KIAA0930: variants seen among roughly 807,000 people sequenced by gnomAD.
The protein encoded by KIAA0930 is KIAA0930, also known as uncharacterized protein KIAA0930.
In KIAA0930, 24 loss-of-function variants were observed where a neutral mutation model predicts 43.9. That is an observed-to-expected ratio of 0.55 (90% confidence interval 0.40 to 0.77). KIAA0930 has a LOEUF of 0.77. Among genes scored for constraint, KIAA0930 ranks in the 30% least tolerant of loss-of-function variants. The pLI is 0.00. For missense variants in KIAA0930, 461 were observed against 574.2 expected (o/e 0.80, Z 2.02); for synonymous variants, 259 against 216.4 (o/e 1.20, Z -1.73).
intron 1 of KIAA0930, among the ~76,000 whole-genome samples, chr22:45,223,271 G>T (rs2083778231): frequency 6.6e-6 from 1 of 152,066 alleles, no homozygotes; most frequent in Non-Finnish European, 1.5e-5. Flanking sequence ...TAGAATAAAT[G>T]AAGCAAAAAA....
chr22:45,208,613 G>C (rs959991986), intron 2 of KIAA0930, among the ~76,000 whole-genome samples: 2 of 152,212 alleles, frequency 1.3e-5, no homozygotes, highest in Admixed American at 6.5e-5. Context: ...GTTGAGCCCT[G>C]GGGTGGGGTG....
At chr22:45,220,323 C>T (rs923659630) in intron 1 of KIAA0930, among the ~76,000 whole-genome samples, 1 of 151,832 alleles carries the variant, frequency 6.6e-6, no homozygotes, top group East Asian at 1.9e-4. Context: ...GGTGCGGTGG[C>T]AGGTGCCTAT....
rs1334972941 is a variant in KIAA0930, at chr22:45,213,522, GC to G, written c.65-1416del. On this transcript the variant is annotated intron_variant, in intron 1 of 9. Transcript: ENST00000336156. ...AAACACGCGTGCTGTCTGCAGAGTC[GC>G]TTTGAAATTCCTGCCGCGTTTTTGC... The G allele has an allele frequency of 5.2e-5, 61 of 1,164,382 alleles. No individual in the cohort carries two copies. In the African/African-American group the frequency reaches 7.8e-4, roughly 15 times the overall value. 72.1% of individuals were successfully genotyped at this position (1,164,382 alleles called of 1,614,324 possible). A position where few individuals can be genotyped will look rare whatever the true frequency, so the allele number is the denominator to read the frequency against.
intron 7 of KIAA0930, among the ~76,000 whole-genome samples, chr22:45,201,895 T>C (rs562228295): frequency 6.6e-6 from 1 of 152,348 alleles, no homozygotes; most frequent in South Asian, 2.1e-4. Context: ...TCGTTTACAT[T>C]CCCACGCCTC....
In KIAA0930 at chr22:45,193,016, C is replaced by T. The variant is rs1458845639; in HGVS notation, c.*4160G>A. 6.6e-6 allele frequency: 1 copy of T among 152,218 alleles called. No homozygotes were observed. The highest frequency in any genetic ancestry group is 1.5e-5 in the Non-Finnish European group (1 of 68,052). 9.4% of individuals were successfully genotyped at this position (152,218 alleles called of 1,614,324 possible). On this transcript the variant is annotated 3_prime_UTR_variant, in exon 10 of 10. Transcript: ENST00000336156. ...TGGCCACTGCTGAAGAGCTGCTCTC[C>T]CTCGAAGGGCAGTGGCTGCCCCCTC...
chr22:45,235,111 A>AG (rs1407381937), intron 1 of KIAA0930: 1 of 152,122 alleles, frequency 6.6e-6, no homozygotes, highest in African/African-American at 2.4e-5. Flanking sequence ...AAGCCTCCCC[A>AG]GCTCGATGAA....
At position 45,230,034 on chromosome 22, in the gene KIAA0930, C is replaced by T. The variant is rs543644289; in HGVS notation, c.64+10606G>A. On this transcript the variant is annotated intron_variant, in intron 1 of 9. Transcript: ENST00000336156. ...TCACTCGAACCCAGGGGGCGGAGGGCGCAGTGAGCCGAGATTATGCCACTG... is the reference window on the plus strand; with the variant it reads ...TCACTCGAACCCAGGGGGCGGAGGGTGCAGTGAGCCGAGATTATGCCACTG... 1.4e-4 allele frequency among the ~76,000 whole-genome samples: 21 copies of T among 152,278 alleles called. No homozygotes were observed. The South Asian group carries it at 2.3e-3, about 17-fold the overall frequency.
chr22:45,220,963 G>A (rs1392875528), intron 1 of KIAA0930, among the ~76,000 whole-genome samples: 2 of 144,046 alleles, frequency 1.4e-5, no homozygotes, highest in Non-Finnish European at 3.0e-5. Flanking sequence ...CACCATCACT[G>A]CCTGCTCACT....
intron 1 of KIAA0930, among the ~76,000 whole-genome samples, chr22:45,216,103 G>A (rs1472674910): frequency 1.3e-5 from 2 of 152,142 alleles, no homozygotes; most frequent in Non-Finnish European, 2.9e-5. Context: ...GAGGAAGGGA[G>A]GCAAACACAG....
In KIAA0930 at chr22:45,238,897, T is replaced by TCTCTCTCTCTCTCTCTCACC. The variant is rs1569087823; in HGVS notation, c.64+1742_64+1743insGGTGAGAGAGAGAGAGAGAG. 3.4e-3 allele frequency among the ~76,000 whole-genome samples: 517 copies of TCTCTCTCTCTCTCTCTCACC among 151,500 alleles called. 1 individual carries two copies. The highest frequency in any genetic ancestry group is 0.012 in the African/African-American group (485 of 40,920). The stretch of plus-strand genomic sequence containing the variant: ...CAGGCTCTCTCTCTCTCTCTCTCTC[T>TCTCTCTCTCTCTCTCTCACC]CTCTCACCCTCAGGCTCTTCATCGC... On this transcript the variant is annotated intron_variant, in intron 1 of 9. Coordinates refer to ENST00000336156, the MANE Select transcript of KIAA0930 (RefSeq NM_001009880.2).
chr22:45,227,223 G>C (rs1293086799), intron 1 of KIAA0930, among the ~76,000 whole-genome samples: 1 of 152,190 alleles, frequency 6.6e-6, no homozygotes, highest in Admixed American at 6.5e-5. Context: ...AGCACCTTCT[G>C]GGCCCTTCTG....
intron 1 of KIAA0930, chr22:45,212,320 C>T (rs750894105): frequency 3.7e-6 from 6 of 1,612,708 alleles, no homozygotes; most frequent in Non-Finnish European, 5.1e-6. Context: ...AGTTCCTCCA[C>T]TCAGCAGCAG....
intron 1 of KIAA0930, among the ~76,000 whole-genome samples, chr22:45,216,152 G>A (rs1358139001): frequency 2.6e-5 from 4 of 152,208 alleles, no homozygotes; most frequent in East Asian, 1.9e-4. Flanking sequence ...GGTCGGGACT[G>A]GAGGGATATC....
At chr22:45,220,475 A>G (rs528967636) in intron 1 of KIAA0930, among the ~76,000 whole-genome samples, 11 of 152,256 alleles carry the variant, frequency 7.2e-5, no homozygotes, top group African/African-American at 2.6e-4. Flanking sequence ...TAGAAAATCT[A>G]TTAATATATT....
intron 2 of KIAA0930, among the ~76,000 whole-genome samples, chr22:45,209,843 C>G (rs1230857805): frequency 6.6e-6 from 1 of 152,186 alleles, no homozygotes; most frequent in Non-Finnish European, 1.5e-5. Flanking sequence ...TCAGGCTTCC[C>G]TCACTGACCT....
chr22:45,225,693 AC>A (rs1569082392), intron 1 of KIAA0930, among the ~76,000 whole-genome samples: 1 of 151,356 alleles, frequency 6.6e-6, no homozygotes, highest in Non-Finnish European at 1.5e-5. Context: ...CTTTGCAGTC[AC>A]CCCCTCGGGG....
chr22:45,202,334 G>A (rs1036422361), intron 7 of KIAA0930, among the ~76,000 whole-genome samples: 9 of 152,246 alleles, frequency 5.9e-5, no homozygotes, highest in East Asian at 1.9e-4. Context: ...TCAGCCTCCC[G>A]CCCTGGGGAA....
intron 4 of KIAA0930, 62 bp downstream of exon 4, chr22:45,205,567 TC>T: frequency 6.6e-7 from 1 of 1,508,958 alleles, no homozygotes; most frequent in South Asian, 1.1e-5. Flanking sequence ...GACTTGTCTC[TC>T]TCTGCCACGC....
intron 2 of KIAA0930, among the ~76,000 whole-genome samples, chr22:45,206,644 T>G (rs539367033): frequency 1.3e-4 from 20 of 151,874 alleles, no homozygotes; most frequent in African/African-American, 4.6e-4. Flanking sequence ...CAATAATAAA[T>G]ACATATCAGA....
Sources: gnomAD v4.1 joint callset for allele counts (sites outside exome capture counted in the v4.1 genomes callset) on GRCh38, gnomAD v4.1.1 for gene constraint, MANE v1.5 for transcripts, NCBI Gene and HGNC (gene_info 2026-07-23, HGNC 2026-07-21) for gene names.